The following TEP1 variants were observed in gnomAD, a reference collection of about 807,000 sequenced individuals.
The protein encoded by TEP1 is telomerase associated protein 1, also known as telomerase protein component 1.
A neutral mutation model predicts 306.3 loss-of-function variants in TEP1; 241 were observed. The ratio of observed to expected loss-of-function variants is 0.79; its 90% confidence interval spans 0.71 to 0.88. The LOEUF is 0.88. Ranked by LOEUF, TEP1 falls within the 40% of genes least tolerant of loss-of-function variation. TEP1 has a pLI of 0.00. For missense variants in TEP1, 3,051 were observed against 3,276.1 expected (o/e 0.93, Z 1.68); for synonymous variants, 1,289 against 1,305.5 (o/e 0.99, Z 0.27).
intron 38 of TEP1, 63 bp from the exon 39 acceptor site, chr14:20,378,299 A>G: frequency 6.2e-7 from 1 of 1,612,162 alleles, no homozygotes; most frequent in Non-Finnish European, 8.5e-7. Flanking sequence ...TAAGTGACCC[A>G]GAATGCTGCT....
chr14:20,405,568 C>CA lies in TEP1; in HGVS notation c.752dup (p.Leu251PhefsTer17). ...CTTCTGAGACCAGAGTAGAGCACAG[C>CA]AAGCTCAGTAGAGCCATCTGGGAAT... On this transcript the variant is annotated frameshift_variant, in exon 4 of 55. Coordinates refer to ENST00000262715, the MANE Select transcript of TEP1 (RefSeq NM_007110.5). LOFTEE classifies it high-confidence loss of function. 6.2e-7 allele frequency: 1 copy of CA among 1,614,034 alleles called. No individual in the cohort carries two copies. Among genetic ancestry groups the CA allele is most frequent in the Non-Finnish European group, 8.5e-7 (1 of 1,179,990 alleles).
Position 20,378,894 on chromosome 14 carries a change from A to G in TEP1, c.5253-41T>C, listed in dbSNP as rs756973906. 4 of 1,613,890 alleles carry G rather than the reference A, an allele frequency of 2.5e-6. No homozygotes were observed. In the South Asian group the frequency reaches 4.4e-5, roughly 18 times the overall value. On this transcript the variant is annotated intron_variant, in intron 36 of 54. Transcript: ENST00000262715. ...GAAGTCAGTCCTCTGGACCCTGGCC[A>G]TCAGCTCCCTCCTCATTTCCTTCTC...
At chr14:20,386,273 G>A (rs986120337) in intron 19 of TEP1, 78 bp from the exon 20 acceptor site, 24 of 1,603,754 alleles carry the variant, frequency 1.5e-5, no homozygotes, top group Middle Eastern at 1.7e-4. Flanking sequence ...ACAGGGAGAC[G>A]GGGCCCTGAC....
chr14:20,395,989 CG>C, intron 10 of TEP1, 40 bp from the exon 11 acceptor site: 3 of 1,556,792 alleles, frequency 1.9e-6, no homozygotes. Flanking sequence ...GCACAGGAGC[CG>C]GGAGTATGGG....
chr14:20,383,575 G>T lies in TEP1; in HGVS notation c.3780C>A (p.Thr1260=), dbSNP rs757550474. The T allele has an allele frequency of 6.2e-7, 1 of 1,613,966 alleles. No individual in the cohort carries two copies. Among genetic ancestry groups the T allele is most frequent in the Non-Finnish European group, 8.5e-7 (1 of 1,180,014 alleles). ...KSAESLHPGQ[T]QVLIIDGADR... ...CAGCCCCATCGATGATCAGGACCTG[G>T]GTCTGGCCAGGATGCAGGGACTCAG... Residue 1260 remains threonine, a synonymous_variant, in exon 26 of 55, where the codon ACC becomes ACA. Transcript: ENST00000262715.
chr14:20,395,659 G>A, intron 11 of TEP1, 32 bp from the exon 12 acceptor site: 1 of 1,578,624 alleles, frequency 6.3e-7, no homozygotes, highest in Non-Finnish European at 8.7e-7. Context: ...TCCGAGTTAG[G>A]CAGCTTCTAT....
At chr14:20,390,887 C>A (rs1329679775) in intron 14 of TEP1, 51 bp downstream of exon 14, 1 of 1,612,318 alleles carries the variant, frequency 6.2e-7, no homozygotes, top group Admixed American at 1.7e-5. Flanking sequence ...GGGCTATTCC[C>A]AGGCCTGTGT....
chr14:20,386,472 T>C lies in TEP1; in HGVS notation c.2836A>G (p.Thr946Ala). The C allele has an allele frequency of 6.2e-7, 1 of 1,608,946 alleles. No individual in the cohort carries two copies. Among genetic ancestry groups the C allele is most frequent in the East Asian group, 2.2e-5 (1 of 44,736 alleles). The change falls in exon 19 of 55, where the codon ACT becomes GCT. Residue 946 changes from threonine to alanine, a missense_variant. Transcript: ENST00000262715. ...LHGIDLRWGVTEEETRRNRQL... is the reference protein window; with the variant it reads ...LHGIDLRWGVAEEETRRNRQL... The stretch of plus-strand genomic sequence containing the variant: ...CTGTTCCTACGGGTCTCCTCCTCAG[T>C]GACGCCCCAGCGGAGGTCGATTCCG...
chr14:20,407,940 T>C lies in TEP1; in HGVS notation c.500A>G (p.Asp167Gly), dbSNP rs766537814. The C allele has an allele frequency of 3.1e-6, 5 of 1,614,088 alleles. No individual in the cohort carries two copies. Among genetic ancestry groups the C allele is most frequent in the Non-Finnish European group, 4.2e-6 (5 of 1,179,984 alleles). Residue 167 changes from aspartate (D) to glycine (G), a missense_variant, in exon 2 of 55, where the codon GAC becomes GGC. By Grantham distance (94) the Asp-to-Gly change is moderately conservative (BLOSUM62 -1). Around this residue, in one of 3 missense-constraint regions of TEP1, gnomAD observed 1,507 missense variants for 1,550.5 expected, o/e 0.97. Coordinates refer to ENST00000262715, the MANE Select transcript of TEP1 (RefSeq NM_007110.5). ...WRAQHFSKGL[D>G]LSTCPIALKS... Reference sequence around the variant, plus strand: ...CAGGGCTATAGGGCAGGTTGAAAGGTCTAGTCCCTTAGAGAAATGCTGAGC... The same window carrying C: ...CAGGGCTATAGGGCAGGTTGAAAGGCCTAGTCCCTTAGAGAAATGCTGAGC...
At position 20,381,162 on chromosome 14, in the gene TEP1, A is replaced by G; in HGVS notation, c.4648-117T>C. 5 of 1,216,570 alleles carry G rather than the reference A, an allele frequency of 4.1e-6. No individual in the cohort carries two copies. The highest frequency in any genetic ancestry group is 6.1e-6 in the Non-Finnish European group (5 of 822,546). 75.4% of individuals were successfully genotyped at this position (1,216,570 alleles called of 1,614,324 possible). On this transcript the variant is annotated intron_variant, in intron 32 of 54. Coordinates refer to ENST00000262715, the MANE Select transcript of TEP1 (RefSeq NM_007110.5). The surrounding 1 kb of genome is among the most constrained non-coding windows in gnomAD (Gnocchi z 4.0). ...TGAGCTGGGACAAAGGACTTGAAGA[A>G]GAAGGGCAGGAAAACTGAAAGGAAA...
intron 10 of TEP1, among the ~76,000 whole-genome samples, chr14:20,396,279 G>A (rs1878199440): frequency 6.6e-6 from 1 of 152,178 alleles, no homozygotes; most frequent in Non-Finnish European, 1.5e-5. Flanking sequence ...GACCAGCCTT[G>A]CCAACATCGC....
chr14:20,379,420 C>T (rs1296957511), intron 35 of TEP1, among the ~76,000 whole-genome samples: 1 of 152,218 alleles, frequency 6.6e-6, no homozygotes, highest in Non-Finnish European at 1.5e-5. Context: ...TTCTAGGACT[C>T]ACCTCTCCAG....
rs768661847 is a variant in TEP1, at chr14:20,377,492, C to G, written c.5876G>C (p.Gly1959Ala). ...TGCCTGACCCTGAGCCCCCTGGGAACCTAGAGAATGAGAGAGAACAAGGGA... is the reference window on the plus strand; with the variant it reads ...TGCCTGACCCTGAGCCCCCTGGGAAGCTAGAGAATGAGAGAGAACAAGGGA... ...DGIRIYKISS[G>A]SQGAQGQALD... is the part of the protein sequence containing the mutation. The change falls in exon 41 of 55, where the codon GGT becomes GCT. Residue 1959 changes from glycine (G) to alanine (A), a missense_variant and splice_region_variant. This residue lies in a region of TEP1 where 1,540 missense variants were observed against 1,705.9 expected (regional missense o/e 0.90). Coordinates refer to ENST00000262715, the MANE Select transcript of TEP1 (RefSeq NM_007110.5). 1.2e-6 allele frequency: 2 copies of G among 1,613,620 alleles called. No individual in the cohort carries two copies. Among genetic ancestry groups the G allele is most frequent in the East Asian group, 4.5e-5 (2 of 44,848 alleles).
At chr14:20,372,370 G>GTGTGTGTA (rs1884892672) in intron 49 of TEP1, among the ~76,000 whole-genome samples, 1 of 100,202 alleles carries the variant, frequency 1.0e-5, no homozygotes, top group Admixed American at 1.1e-4. Flanking sequence ...ATATGTGTGT[G>GTGTGTGTA]TGTGTGTGTA....
At chr14:20,403,280 A>G in intron 7 of TEP1, 97 bp downstream of exon 7, 1 of 1,467,014 alleles carries the variant, frequency 6.8e-7, no homozygotes. Flanking sequence ...AATCCCCAGG[A>G]AGAAAGTATT....
chr14:20,401,434 A>G (rs746977192), intron 8 of TEP1, 23 bp downstream of exon 8: 2 of 1,612,234 alleles, frequency 1.2e-6, no homozygotes, highest in Non-Finnish European at 1.7e-6. Context: ...GATGGAATGC[A>G]TGCTCAGGGT....
At chr14:20,372,686 T>A in intron 49 of TEP1, 47 bp downstream of exon 49, 2 of 1,612,508 alleles carry the variant, frequency 1.2e-6, no homozygotes, top group Non-Finnish European at 1.7e-6. Context: ...ATGCCAGGAG[T>A]GAGGAGACTG....
intron 12 of TEP1, 136 bp downstream of exon 12, chr14:20,395,314 C>T: frequency 1.3e-6 from 1 of 782,512 alleles, no homozygotes. Flanking sequence ...TGCAAGAAAC[C>T]AGGCAGTTCT....
At chr14:20,386,262 A>G in intron 19 of TEP1, 67 bp from the exon 20 acceptor site, 1 of 1,607,510 alleles carries the variant, frequency 6.2e-7, no homozygotes, top group Non-Finnish European at 8.5e-7. Context: ...CATAGGCACA[A>G]ACAGGGAGAC....
Sources: gnomAD v4.1 joint callset for allele counts (sites outside exome capture counted in the v4.1 genomes callset) on GRCh38, gnomAD v4.1.1 for gene constraint, gnomAD v4.1.1 regional missense constraint, Gnocchi (gnomAD v3.1) non-coding constraint, MANE v1.5 for transcripts, NCBI Gene and HGNC (gene_info 2026-07-23, HGNC 2026-07-21) for gene names.